Variants in CHM observed in about 807,000 individuals in gnomAD.
The protein encoded by CHM is CHM Rab escort protein.
A neutral mutation model predicts 49.0 loss-of-function variants in CHM; 10 were observed. The ratio of observed to expected loss-of-function variants is 0.20; its 90% CI spans 0.13 to 0.35. The LOEUF (loss-of-function observed/expected upper bound fraction) is 0.35. Among genes scored for constraint, CHM ranks in the 10% least tolerant of loss-of-function variants. The pLI is 1.00. For synonymous variants in CHM, 184 were observed against 167.5 expected, an observed-to-expected ratio of 1.10 and a Z score of -0.76; for missense variants, 455 against 478.4, an observed-to-expected ratio of 0.95 and a Z score of 0.46.
intron 4 of CHM, among the ~76,000 whole-genome samples, chrX:85,972,661 C>T (rs764184690): frequency 8.9e-6 from 1 of 112,837 alleles, no homozygotes; most frequent in South Asian, 3.6e-4. Context: ...AGTGCGGGGC[C>T]CGCCAAGCCC....
chrX:86,043,608 G>T (rs1057131024), intron 1 of CHM, among the ~76,000 whole-genome samples: 1 of 110,267 alleles, frequency 9.1e-6, no homozygotes, highest in East Asian at 2.9e-4. Flanking sequence ...CAGTTTTGCT[G>T]TGTCACCCAT....
At chrX:85,934,011 C>G (rs1209523945) in intron 8 of CHM, among the ~76,000 whole-genome samples, 3 of 106,724 alleles carry the variant, frequency 2.8e-5, no homozygotes, top group South Asian at 4.2e-4. Context: ...GACGGAGTCT[C>G]GCTCTGTTGC....
At chrX:85,952,299 G>C (rs1259309707) in intron 8 of CHM, among the ~76,000 whole-genome samples, 1 of 110,561 alleles carries the variant, frequency 9.0e-6, no homozygotes. Context: ...CAGCAACGAA[G>C]GTGTCTAATT....
chrX:86,010,730 T>C (rs992203111), intron 2 of CHM, among the ~76,000 whole-genome samples: 1 of 111,579 alleles, frequency 9.0e-6, no homozygotes, highest in African/African-American at 3.3e-5. Flanking sequence ...TTGAGGAATA[T>C]CCAAAAATAT....
At position 86,001,431 on chromosome X, in the gene CHM, T is replaced by C. The variant is rs191310076; in HGVS notation, c.117-19622A>G. On this transcript the variant is annotated intron_variant, in intron 2 of 14. Transcript: ENST00000357749. ...TACAGAAATATCTGAGGCTGGGTAA[T>C]TTATAAAGAAAAGAGGTTTAGTTGG... Among the ~76,000 whole-genome samples, 296 of 110,951 alleles carry C rather than the reference T, an allele frequency of 2.7e-3. 3 individuals are homozygous for C. Among genetic ancestry groups the C allele is most frequent in the African/African-American group, 9.2e-3 (282 of 30,490 alleles).
At chrX:86,016,526 G>A (rs1205414986) in intron 2 of CHM, among the ~76,000 whole-genome samples, 1 of 112,665 alleles carries the variant, frequency 8.9e-6, no homozygotes, top group Non-Finnish European at 1.9e-5. Context: ...TCAGGCCGTG[G>A]CTTCAGAGGG....
intron 1 of CHM, among the ~76,000 whole-genome samples, chrX:86,046,128 G>A (rs1375443355): frequency 8.9e-6 from 1 of 112,095 alleles, no homozygotes; most frequent in African/African-American, 3.2e-5. Context: ...GGAAACTGAG[G>A]CTCAGAGAGA....
intron 1 of CHM, among the ~76,000 whole-genome samples, chrX:86,039,210 ATTGAT>A (rs1471701222): frequency 8.9e-6 from 1 of 112,067 alleles, no homozygotes; most frequent in African/African-American, 3.2e-5. Flanking sequence ...TCTAATTATC[ATTGAT>A]TTTGCTTACA....
At chrX:85,886,318 T>A (rs1224819993) in intron 12 of CHM, among the ~76,000 whole-genome samples, 2 of 112,265 alleles carry the variant, frequency 1.8e-5, no homozygotes, top group Non-Finnish European at 3.8e-5. Flanking sequence ...TCTACATTAT[T>A]CTGTAAAGAA....
At chrX:85,969,683 A>G (rs775246150) in intron 4 of CHM, 1 of 112,692 alleles carries the variant, frequency 8.9e-6, no homozygotes, top group Admixed American at 9.4e-5. Flanking sequence ...AGCACTATTC[A>G]CAATTGCGAA....
chrX:85,914,829 G>A (rs1220566841), intron 8 of CHM, among the ~76,000 whole-genome samples: 1 of 110,626 alleles, frequency 9.0e-6, no homozygotes, highest in Non-Finnish European at 1.9e-5. Context: ...CATTGGAATG[G>A]GAACACCTCA....
chrX:85,966,115 C>G (rs1269363975), intron 4 of CHM, among the ~76,000 whole-genome samples: 1 of 110,938 alleles, frequency 9.0e-6, no homozygotes, highest in Non-Finnish European at 1.9e-5. Flanking sequence ...TGTGGTAGGC[C>G]GAGGTGGGTG....
intron 2 of CHM, among the ~76,000 whole-genome samples, chrX:86,008,788 CA>C (rs1932935927): frequency 8.9e-6 from 1 of 111,765 alleles, no homozygotes; most frequent in African/African-American, 3.2e-5. Context: ...AGAGGCAATA[CA>C]AAAATGAATG....
At chrX:85,948,091 G>T (rs1348372594) in intron 8 of CHM, among the ~76,000 whole-genome samples, 1 of 111,373 alleles carries the variant, frequency 9.0e-6, no homozygotes, top group East Asian at 2.8e-4. Flanking sequence ...AAAAAAAAAT[G>T]TGAAGTTTGT....
At chrX:86,036,462 A>C (rs1162301012) in intron 1 of CHM, among the ~76,000 whole-genome samples, 4 of 111,672 alleles carry the variant, frequency 3.6e-5, no homozygotes, top group Non-Finnish European at 5.6e-5. Context: ...GGAATCTTTC[A>C]GGTAGCAGAC....
chrX:85,910,921 T>G (rs758875568), intron 9 of CHM, among the ~76,000 whole-genome samples: 7 of 104,068 alleles, frequency 6.7e-5, no homozygotes, highest in Non-Finnish European at 1.4e-4. Context: ...CAAGCTTGGA[T>G]GACCAGGAGC....
At position 86,026,102 on chromosome X, in the gene CHM, CTTTTTTTTTTTTTTTTTTTTTTTTT is replaced by C. The variant is rs1167691945; in HGVS notation, c.116+1364_116+1388del. 3.0e-4 allele frequency among the ~76,000 whole-genome samples: 8 copies of C among 26,763 alleles called. 1 individual carries two copies. The East Asian group carries it at 5.3e-3, about 18-fold the overall frequency. The allele number at this position is 26,763 out of a possible 115,157, so 23.2% of individuals were successfully genotyped here. Reference sequence around the variant, plus strand: ...CTGGGCTTTCAAGGTAGCAGATTTTCTTTTTTTTTTTTTTTTTTTTTTTTTTTTTTTTTTTTTGAGACTGTCTTTC... The same window carrying C: ...CTGGGCTTTCAAGGTAGCAGATTTTCTTTTTTTTTTTTGAGACTGTCTTTC... On this transcript the variant is annotated intron_variant, in intron 2 of 14. Coordinates refer to ENST00000357749, the MANE Select transcript of CHM (RefSeq NM_000390.4).
chrX:86,029,062 T>G (rs775979014), intron 1 of CHM, among the ~76,000 whole-genome samples: 1 of 112,390 alleles, frequency 8.9e-6, no homozygotes, highest in African/African-American at 3.2e-5. Context: ...TTGAACATTT[T>G]GTGGGAATAT....
At chrX:85,920,130 C>G (rs1927694288) in intron 8 of CHM, among the ~76,000 whole-genome samples, 1 of 108,346 alleles carries the variant, frequency 9.2e-6, no homozygotes, top group South Asian at 4.1e-4. Flanking sequence ...GAGTCTCGCT[C>G]TGTCGCCCAG....
Sources: allele counts gnomAD v4.1 joint callset (sites outside exome capture counted in the v4.1 genomes callset), GRCh38; gene constraint gnomAD v4.1.1; transcripts MANE v1.5; gene names NCBI Gene and HGNC (gene_info 2026-07-23, HGNC 2026-07-21).